Variants in GPD2 observed in about 807,000 individuals in gnomAD.
GPD2 encodes glycerol-3-phosphate dehydrogenase 2.
In GPD2, 54 loss-of-function variants were observed where a neutral mutation model predicts 82.4. The ratio of observed to expected loss-of-function variants is 0.66; its 90% CI spans 0.53 to 0.82. GPD2 has a LOEUF of 0.82. Ranked by LOEUF, GPD2 falls within the 40% of genes least tolerant of loss-of-function variation. The probability of loss-of-function intolerance (pLI) is 0.00; values close to 1 mark genes in which losing one functional copy is unlikely to be tolerated. For synonymous variants in GPD2, 288 were observed against 306.1 expected, an observed-to-expected ratio of 0.94 and a Z score of 0.62; for missense variants, 748 against 896.2, an observed-to-expected ratio of 0.83 and a Z score of 2.11.
chr2:156,580,156 A>C (rs1478641815), intron 16 of GPD2, among the ~76,000 whole-genome samples: 1 of 152,160 alleles, frequency 6.6e-6, no homozygotes, highest in African/African-American at 2.4e-5. Context: ...TGTACTTCAT[A>C]AGAGGCAACA....
chr2:156,425,668 A>G, the GPD2 span, among the ~76,000 whole-genome samples: 1 of 152,172 alleles, frequency 6.6e-6, no homozygotes, highest in African/African-American at 2.4e-5. Flanking sequence ...CTGGTCACAA[A>G]AAGTTTGATA....
At chr2:156,529,949 A>C (rs1379068560) in intron 6 of GPD2, among the ~76,000 whole-genome samples, 1 of 152,194 alleles carries the variant, frequency 6.6e-6, no homozygotes, top group South Asian at 2.1e-4. Flanking sequence ...TATGAACTTT[A>C]AAGTACTATT....
chr2:156,513,472 G>A lies in GPD2; in HGVS notation c.637G>A (p.Val213Ile). 6.2e-7 allele frequency: 1 copy of A among 1,611,514 alleles called. No individual in the cohort carries two copies. Among genetic ancestry groups the A allele is most frequent in the Non-Finnish European group, 8.5e-7 (1 of 1,178,722 alleles). Residue 213 changes from valine (V) to isoleucine (I), a missense_variant, in exon 6 of 17, where the codon GTA becomes ATA. Transcript: ENST00000438166. ...CCCAATGCTCCAGAAGGACAAACTG[G>A]TAGGAGCAATTGTCTACTATGACGG... is the stretch of plus-strand genomic sequence containing the variant. ...HFPMLQKDKL[V>I]GAIVYYDGQH...
intron 6 of GPD2, 126 bp from the exon 7 acceptor site, chr2:156,549,482 C>T: frequency 1.2e-6 from 1 of 861,888 alleles, no homozygotes; most frequent in Non-Finnish European, 2.0e-6. Context: ...GTCAAGCTGC[C>T]CAGCCATCAT....
At chr2:156,534,126 A>G (rs1275333421) in intron 6 of GPD2, among the ~76,000 whole-genome samples, 1 of 152,048 alleles carries the variant, frequency 6.6e-6, no homozygotes, top group Non-Finnish European at 1.5e-5. Flanking sequence ...ATGGATGGGG[A>G]GCTAGAAAGG....
At chr2:156,559,812 T>G (rs1558961414) in intron 9 of GPD2, among the ~76,000 whole-genome samples, 1 of 152,220 alleles carries the variant, frequency 6.6e-6, no homozygotes, top group East Asian at 1.9e-4. Flanking sequence ...TAGTTTGACT[T>G]GTTTAACATC....
upstream of GPD2, among the ~76,000 whole-genome samples, chr2:156,436,156 ACCCCCG>A (rs1359352978): frequency 6.6e-6 from 1 of 150,860 alleles, no homozygotes; most frequent in Admixed American, 6.6e-5. Context: ...TCCCTCCCAC[ACCCCCG>A]CCAACCCCGG....
At chr2:156,452,233 G>A (rs555072609) in intron 1 of GPD2, among the ~76,000 whole-genome samples, 2 of 152,370 alleles carry the variant, frequency 1.3e-5, no homozygotes, top group East Asian at 3.9e-4. Context: ...AGCGAGCCGA[G>A]ATCACGCCAC....
upstream of GPD2, among the ~76,000 whole-genome samples, chr2:156,435,089 A>T (rs1344396148): frequency 6.6e-6 from 1 of 151,724 alleles, no homozygotes; most frequent in African/African-American, 2.4e-5. Flanking sequence ...GAAGTTACTG[A>T]GTTTGGGATT....
intron 1 of GPD2, among the ~76,000 whole-genome samples, chr2:156,475,494 AAAGTGCTGGGATTAC>A (rs1383928656): frequency 2.0e-5 from 3 of 152,250 alleles, no homozygotes; most frequent in South Asian, 4.1e-4. Flanking sequence ...ACGGCCTCCC[AAAGTGCTGGGATTAC>A]AAGTGTGAGC....
chr2:156,579,575 G>A, intron 15 of GPD2, 115 bp from the exon 16 acceptor site: 1 of 678,502 alleles, frequency 1.5e-6, no homozygotes, highest in Non-Finnish European at 2.7e-6. Flanking sequence ...CAACTAATCT[G>A]CCTGCCTTGG....
chr2:156,582,902 G>C lies in GPD2; in HGVS notation c.2168G>C (p.Ser723Thr), dbSNP rs1401737564. ...DRRVPIPVDR[S>T]CGGL Reference sequence around the variant, plus strand: ...AGAGTTCCAATTCCAGTGGACCGTAGTTGTGGAGGATTGTGAGTCTGGGCA... The same window carrying C: ...AGAGTTCCAATTCCAGTGGACCGTACTTGTGGAGGATTGTGAGTCTGGGCA... Residue 723 changes from serine (S) to threonine (T), a missense_variant, in exon 17 of 17, where the codon AGT (serine) becomes ACT (threonine). Ser to Thr is a moderately conservative substitution (Grantham distance 58, BLOSUM62 1). Coordinates refer to ENST00000438166, the MANE Select transcript of GPD2 (RefSeq NM_000408.5). 1 of 1,612,894 alleles carries C rather than the reference G, an allele frequency of 6.2e-7. No homozygotes were observed. The highest frequency in any genetic ancestry group is 1.1e-5 in the South Asian group (1 of 91,064).
At chr2:156,425,290 G>A in the GPD2 span, among the ~76,000 whole-genome samples, 1 of 152,034 alleles carries the variant, frequency 6.6e-6, no homozygotes, top group Non-Finnish European at 1.5e-5. Flanking sequence ...TTTTTGTAGA[G>A]ACAGAGTTTC....
At chr2:156,549,577 T>C (rs1686673860) in intron 6 of GPD2, 31 bp from the exon 7 acceptor site, 3 of 1,608,154 alleles carry the variant, frequency 1.9e-6, no homozygotes, top group Non-Finnish European at 2.6e-6. Flanking sequence ...AGGTGACTCC[T>C]CTCCCTCCCC....
At position 156,496,026 on chromosome 2, in the gene GPD2, G is replaced by T. The variant is rs376816166; in HGVS notation, c.103-18G>T. On this transcript the variant is annotated intron_variant, in intron 2 of 16. Transcript: ENST00000438166. ...ACATTCCAAATGGACAACTGAAAGT[G>T]ATCTGCTTTTACATCAGATGAACCT... is the stretch of plus-strand genomic sequence containing the variant. 5.6e-6 allele frequency: 9 copies of T among 1,598,558 alleles called. No homozygotes were observed. In the African/African-American group the frequency reaches 1.2e-4, roughly 21 times the overall value.
chr2:156,541,073 G>A (rs1307778514), intron 6 of GPD2, among the ~76,000 whole-genome samples: 3 of 152,126 alleles, frequency 2.0e-5, no homozygotes, highest in Admixed American at 1.3e-4. Context: ...TTTTGTCATA[G>A]CATCATTATC....
chr2:156,453,658 C>G (rs1371234662), intron 1 of GPD2, among the ~76,000 whole-genome samples: 1 of 152,130 alleles, frequency 6.6e-6, no homozygotes, highest in Non-Finnish European at 1.5e-5. Flanking sequence ...GGGTGGATCA[C>G]CTGAGGTCAG....
chr2:156,438,909 T>C (rs1052549548), intron 1 of GPD2, among the ~76,000 whole-genome samples: 3 of 152,192 alleles, frequency 2.0e-5, no homozygotes, highest in African/African-American at 7.2e-5. Flanking sequence ...TTTCCAGTGG[T>C]AGGATGTTGG....
At position 156,579,119 on chromosome 2, in the gene GPD2, C is replaced by A. The variant is rs1558972248; in HGVS notation, c.1914C>A (p.Asp638Glu). 1 of 1,608,976 alleles carries A rather than the reference C, an allele frequency of 6.2e-7. No homozygotes were observed. Among genetic ancestry groups the A allele is most frequent in the Non-Finnish European group, 8.5e-7 (1 of 1,175,766 alleles). The part of the protein sequence containing the change: ...YKKRFHKFDA[D>E]QKGFITIVDV... ...AGAGATTTCATAAGTTTGATGCAGA[C>A]CAGAAAGGCTTTATTACCATTGTTG... The change falls in exon 15 of 17, where the codon GAC (aspartate) becomes GAA (glutamate). Residue 638 changes from aspartate (D) to glutamate (E), a missense_variant. By Grantham distance (45) the Asp-to-Glu change is conservative. Transcript: ENST00000438166.
Sources: gnomAD v4.1 joint callset for allele counts (sites outside exome capture counted in the v4.1 genomes callset) on GRCh38, gnomAD v4.1.1 for gene constraint, MANE v1.5 for transcripts, NCBI Gene and HGNC (gene_info 2026-07-23, HGNC 2026-07-21) for gene names.